The following HPSE2 variants were observed in gnomAD, a reference collection of about 807,000 sequenced individuals.
HPSE2 encodes the protein heparanase 2 (inactive), also known as inactive heparanase-2.
A neutral mutation model predicts 60.5 loss-of-function variants in HPSE2; 38 were observed. That is an observed-to-expected ratio of 0.63 (90% CI 0.48 to 0.82). HPSE2 has a LOEUF of 0.82. Among genes scored for constraint, HPSE2 ranks in the 40% least tolerant of loss-of-function variants. The pLI, the probability that HPSE2 is intolerant of heterozygous loss-of-function variation, is 0.00. For synonymous variants in HPSE2, 295 were observed against 293.2 expected, an observed-to-expected ratio of 1.01 and a Z score of -0.06; for missense variants, 713 against 740.4, an observed-to-expected ratio of 0.96 and a Z score of 0.43.
intron 3 of HPSE2, among the ~76,000 whole-genome samples, chr10:98,842,616 T>C (rs1951942706): frequency 6.6e-6 from 1 of 151,466 alleles, no homozygotes; most frequent in Non-Finnish European, 1.5e-5. Flanking sequence ...ATATATGCCC[T>C]GTCCCTGCAC....
intron 3 of HPSE2, among the ~76,000 whole-genome samples, chr10:99,114,917 A>AAG (rs1554891590): frequency 1.3e-5 from 2 of 151,036 alleles, no homozygotes; most frequent in South Asian, 2.1e-4. Flanking sequence ...AAAAAAAAAA[A>AAG]AAGAAGAAGA....
intron 3 of HPSE2, among the ~76,000 whole-genome samples, chr10:99,015,848 A>C (rs574238237): frequency 6.6e-6 from 1 of 152,204 alleles, no homozygotes; most frequent in Admixed American, 6.5e-5. Flanking sequence ...AAAACTAAAA[A>C]AAAAGTTTCT....
intron 3 of HPSE2, 58 bp from the exon 4 acceptor site, chr10:98,744,114 A>C: frequency 6.7e-7 from 1 of 1,484,102 alleles, no homozygotes; most frequent in Non-Finnish European, 9.3e-7. Flanking sequence ...ACAAAAGGAA[A>C]ATAGTAGCTA....
intron 2 of HPSE2, among the ~76,000 whole-genome samples, chr10:99,216,398 T>C (rs747695461): frequency 7.9e-5 from 12 of 152,124 alleles, no homozygotes; most frequent in Middle Eastern, 3.2e-3. Flanking sequence ...TTTCTCCATA[T>C]TGGCCAGGCT....
At chr10:98,802,952 T>C (rs2134534303) in intron 3 of HPSE2, among the ~76,000 whole-genome samples, 1 of 146,298 alleles carries the variant, frequency 6.8e-6, no homozygotes, top group African/African-American at 2.6e-5. Flanking sequence ...GTAAAAGTGT[T>C]CCTATTTCTC....
Position 98,647,917 on chromosome 10 carries a change from C to T in HPSE2, c.1005-5977G>A, listed in dbSNP as rs1946815686. 2.0e-5 allele frequency among the ~76,000 whole-genome samples: 3 copies of T among 152,280 alleles called. No homozygotes were observed. In the Middle Eastern group the frequency reaches 0.01, roughly 522 times the overall value. On this transcript the variant is annotated intron_variant, in intron 6 of 11. Coordinates refer to ENST00000370552, the MANE Select transcript of HPSE2 (RefSeq NM_021828.5). The stretch of plus-strand genomic sequence containing the variant: ...TTAAACCAGTTCAAATAATTCCATT[C>T]AGGAATCATCTAACCTACTAAAGGG...
chr10:99,030,808 G>T (rs985269510), intron 3 of HPSE2, among the ~76,000 whole-genome samples: 4 of 152,170 alleles, frequency 2.6e-5, no homozygotes, highest in Admixed American at 2.6e-4. Context: ...GCTATAAAAA[G>T]ACTGAGATCT....
intron 3 of HPSE2, among the ~76,000 whole-genome samples, chr10:98,984,159 C>G (rs1195149404): frequency 6.6e-6 from 1 of 152,192 alleles, no homozygotes; most frequent in East Asian, 1.9e-4. Context: ...TCTCTCAGCA[C>G]GCAGCTTGAG....
At chr10:98,898,159 A>G (rs1953550509) in intron 3 of HPSE2, among the ~76,000 whole-genome samples, 1 of 152,152 alleles carries the variant, frequency 6.6e-6, no homozygotes, top group Admixed American at 6.6e-5. Flanking sequence ...CCACTAAAAG[A>G]CAGTTTGGCA....
chr10:99,154,160 C>T (rs1424731782), intron 2 of HPSE2, among the ~76,000 whole-genome samples: 2 of 141,292 alleles, frequency 1.4e-5, no homozygotes, highest in Non-Finnish European at 3.1e-5. Flanking sequence ...AGAATGGAAC[C>T]AAGTTGGAAA....
At chr10:99,094,313 T>G (rs1843622023) in intron 3 of HPSE2, among the ~76,000 whole-genome samples, 1 of 151,578 alleles carries the variant, frequency 6.6e-6, no homozygotes, top group African/African-American at 2.4e-5. Flanking sequence ...ATTGTGAACA[T>G]TTTACAGTCA....
intron 9 of HPSE2, among the ~76,000 whole-genome samples, chr10:98,555,862 C>T (rs567176377): frequency 6.6e-6 from 1 of 152,210 alleles, no homozygotes; most frequent in East Asian, 1.9e-4. Context: ...AGCCATAATA[C>T]CAAGCACCAT....
At chr10:99,132,515 T>A (rs759556511) in intron 3 of HPSE2, among the ~76,000 whole-genome samples, 2 of 152,002 alleles carry the variant, frequency 1.3e-5, no homozygotes, top group Non-Finnish European at 2.9e-5. Flanking sequence ...AGAAGGCAGG[T>A]GATTTCTGCA....
chr10:98,542,266 T>A (rs1943496688), intron 9 of HPSE2, among the ~76,000 whole-genome samples: 1 of 152,012 alleles, frequency 6.6e-6, no homozygotes, highest in Non-Finnish European at 1.5e-5. Context: ...CAGCTGAGGG[T>A]CCTGTCTGCT....
chr10:98,639,430 CA>C (rs1224271596), intron 7 of HPSE2, among the ~76,000 whole-genome samples: 1 of 152,120 alleles, frequency 6.6e-6, no homozygotes, highest in African/African-American at 2.4e-5. Flanking sequence ...TTGCAATTGC[CA>C]AAAGGTAAGT....
At chr10:98,648,596 A>G (rs1346231240) in intron 6 of HPSE2, among the ~76,000 whole-genome samples, 1 of 152,118 alleles carries the variant, frequency 6.6e-6, no homozygotes, top group African/African-American at 2.4e-5. Context: ...CTTGGGCAAC[A>G]TAGCGAGACC....
chr10:99,259,256 A>G, the HPSE2 span, among the ~76,000 whole-genome samples: 5 of 151,494 alleles, frequency 3.3e-5, no homozygotes, highest in Admixed American at 2.6e-4. Context: ...CAGTGAGCCA[A>G]GATTGCTCCA....
the HPSE2 span, among the ~76,000 whole-genome samples, chr10:99,249,200 G>A: frequency 1.3e-5 from 2 of 152,200 alleles, no homozygotes; most frequent in Admixed American, 6.5e-5. Context: ...AGCTTGTACA[G>A]TGTGCCTGGG....
chr10:98,601,825 C>T (rs1267905700), intron 9 of HPSE2, among the ~76,000 whole-genome samples: 1 of 151,938 alleles, frequency 6.6e-6, no homozygotes, highest in African/African-American at 2.4e-5. Flanking sequence ...GCCAGGGAAA[C>T]TGATGCAAAT....
Sources: gnomAD v4.1 joint callset for allele counts (sites outside exome capture counted in the v4.1 genomes callset) on GRCh38, gnomAD v4.1.1 for gene constraint, MANE v1.5 for transcripts, NCBI Gene and HGNC (gene_info 2026-07-23, HGNC 2026-07-21) for gene names.